DYNC2LI1: variants seen among roughly 807,000 people sequenced by gnomAD.
The protein encoded by DYNC2LI1 is dynein cytoplasmic 2 light intermediate chain 1.
Under a neutral mutation model 51.9 loss-of-function variants are expected in DYNC2LI1, and 45 were observed. That is an observed-to-expected ratio of 0.87 (90% CI 0.68 to 1.11). The LOEUF (loss-of-function observed/expected upper bound fraction) is 1.11. DYNC2LI1 is among the 50% of genes most tolerant of loss of function. The pLI, the probability that DYNC2LI1 is intolerant of heterozygous loss-of-function variation, is 0.00. For synonymous variants in DYNC2LI1, 130 were observed against 137.8 expected (o/e 0.94, Z 0.40); for missense variants, 490 against 417.4 (o/e 1.17, Z -1.51).
intron 5 of DYNC2LI1, chr2:43,793,746 G>C (rs796536014): frequency 6.6e-5 from 10 of 151,980 alleles, no homozygotes; most frequent in African/African-American, 2.4e-4. Flanking sequence ...TGGCCTCTTT[G>C]CCCATTTTTG....
At chr2:43,823,898 C>T in the DYNC2LI1 span, 2 of 1,612,844 alleles carry the variant, frequency 1.2e-6, no homozygotes, top group Non-Finnish European at 1.7e-6. Flanking sequence ...GCACCTCCAG[C>T]ACGTGGGCAC....
At chr2:43,795,271 C>CTTTTTTAAT in intron 6 of DYNC2LI1, 1 of 836,030 alleles carries the variant, frequency 1.2e-6, no homozygotes, top group Non-Finnish European at 1.4e-6. Context: ...TTTGGGTGGC[C>CTTTTTTAAT]GAGGCGGGCG....
the DYNC2LI1 span, chr2:43,822,924 G>C: frequency 5.0e-6 from 8 of 1,613,828 alleles, no homozygotes; most frequent in South Asian, 8.8e-5. Context: ...CTGACAGCTC[G>C]CAGCACGGGA....
At chr2:43,818,690 G>T in the DYNC2LI1 span, among the ~76,000 whole-genome samples, 1 of 151,982 alleles carries the variant, frequency 6.6e-6, no homozygotes, top group Non-Finnish European at 1.5e-5. Flanking sequence ...TAAGCAACAC[G>T]GACAAATACA....
At chr2:43,796,908 C>A (rs188518978) in intron 8 of DYNC2LI1, 113 bp downstream of exon 8, 1 of 779,864 alleles carries the variant, frequency 1.3e-6, no homozygotes, top group East Asian at 2.6e-5. Flanking sequence ...CACATGGTCC[C>A]GTTGCTTTCC....
chr2:43,822,435 G>T, the DYNC2LI1 span: 1 of 832,056 alleles, frequency 1.2e-6, no homozygotes, highest in Non-Finnish European at 1.4e-6. Flanking sequence ...GAATGTGTCT[G>T]TTTTAAGGTT....
At chr2:43,826,370 T>C in the DYNC2LI1 span, 1 of 1,613,892 alleles carries the variant, frequency 6.2e-7, no homozygotes, top group East Asian at 2.2e-5. Flanking sequence ...CTTTACGAGT[T>C]GAACCTCTTA....
the DYNC2LI1 span, among the ~76,000 whole-genome samples, chr2:43,823,150 A>C: frequency 6.6e-6 from 1 of 152,192 alleles, no homozygotes; most frequent in Non-Finnish European, 1.5e-5. Context: ...ACAATTGCAA[A>C]AGATGTCATT....
chr2:43,812,990 T>A (rs956175257), downstream of DYNC2LI1: 7 of 700,934 alleles, frequency 1.0e-5, no homozygotes, highest in Non-Finnish European at 1.8e-5. Context: ...ACAAATGGAG[T>A]CTTAATGGTT....
At chr2:43,776,958 GTT>G (rs1344673155) in intron 2 of DYNC2LI1, 59 bp downstream of exon 2, 1 of 882,556 alleles carries the variant, frequency 1.1e-6, no homozygotes, top group African/African-American at 1.7e-5. Flanking sequence ...TAAAATATCT[GTT>G]AATACTTTGA....
At chr2:43,814,023 G>T (rs917973869), downstream of DYNC2LI1, among the ~76,000 whole-genome samples, 4 of 152,102 alleles carry the variant, frequency 2.6e-5, no homozygotes, top group Non-Finnish European at 4.4e-5. Context: ...GCCACCCTGA[G>T]ATTTCTAATG....
intron 8 of DYNC2LI1, among the ~76,000 whole-genome samples, chr2:43,800,389 T>C (rs1450835929): frequency 6.6e-6 from 1 of 152,220 alleles, no homozygotes; most frequent in East Asian, 1.9e-4. Flanking sequence ...AGTGACTCTT[T>C]GGAAGGCAGC....
chr2:43,820,680 G>A, the DYNC2LI1 span, among the ~76,000 whole-genome samples: 2 of 152,078 alleles, frequency 1.3e-5, no homozygotes, highest in Non-Finnish European at 2.9e-5. Flanking sequence ...TTGAGACGGA[G>A]TTGCACTCTG....
chr2:43,780,002 T>C (rs929496114), intron 2 of DYNC2LI1, among the ~76,000 whole-genome samples: 8 of 152,086 alleles, frequency 5.3e-5, no homozygotes, highest in Admixed American at 3.3e-4. Context: ...TTAACAGAGA[T>C]GATTGTAATG....
intron 12 of DYNC2LI1, among the ~76,000 whole-genome samples, chr2:43,805,786 A>T (rs1666229988): frequency 6.6e-6 from 1 of 152,186 alleles, no homozygotes; most frequent in South Asian, 2.1e-4. Context: ...CCCATGTATC[A>T]CTAGATAGCC....
chr2:43,788,734 A>G (rs1673637279), intron 4 of DYNC2LI1, among the ~76,000 whole-genome samples: 1 of 152,098 alleles, frequency 6.6e-6, no homozygotes, highest in African/African-American at 2.4e-5. Flanking sequence ...ATCCTCCCGC[A>G]TTAGCCTCCC....
intron 12 of DYNC2LI1, among the ~76,000 whole-genome samples, chr2:43,806,649 A>G (rs1436366845): frequency 6.6e-6 from 1 of 152,146 alleles, no homozygotes; most frequent in Non-Finnish European, 1.5e-5. Context: ...TGTTGATAAG[A>G]ATATCTGTTT....
intron 5 of DYNC2LI1, chr2:43,792,806 T>C: frequency 6.6e-7 from 1 of 1,525,820 alleles, no homozygotes; most frequent in Non-Finnish European, 8.8e-7. Context: ...TCAGGGTTCT[T>C]CCGTTTGTAG....
In DYNC2LI1 at chr2:43,796,824, G is replaced by T. The variant is rs1410909692; in HGVS notation, c.654+29G>T. On this transcript the variant is annotated intron_variant, in intron 8 of 12. Transcript: ENST00000260605. Reference sequence around the variant, plus strand: ...TGTACATTTCTTGTCCTTTGGGCTTGAATGGACAGTACCAAATTTGGGGAA... The same window carrying T: ...TGTACATTTCTTGTCCTTTGGGCTTTAATGGACAGTACCAAATTTGGGGAA... 2.5e-6 allele frequency: 4 copies of T among 1,579,714 alleles called. No individual in the cohort carries two copies. The East Asian group carries it at 9.0e-5, about 35-fold the overall frequency.
Sources: gnomAD v4.1 joint callset for allele counts (sites outside exome capture counted in the v4.1 genomes callset) on GRCh38, gnomAD v4.1.1 for gene constraint, MANE v1.5 for transcripts, NCBI Gene and HGNC (gene_info 2026-07-23, HGNC 2026-07-21) for gene names.